The following CDC5L variants were observed in gnomAD, a reference collection of about 807,000 sequenced individuals.
CDC5L encodes cell division cycle 5 like, also known as cell division cycle 5-like protein.
In CDC5L, 18 loss-of-function variants were observed where a neutral mutation model predicts 104.1. The ratio of observed to expected loss-of-function variants is 0.17; its 90% CI spans 0.12 to 0.26. The LOEUF is 0.26. CDC5L is among the 10% of genes least tolerant of loss of function. CDC5L has a pLI of 1.00. For missense variants in CDC5L, 673 were observed against 956.9 expected (o/e 0.70, Z 3.91); for synonymous variants, 331 against 322.7 (o/e 1.03, Z -0.28).
At chr6:44,402,610 T>G (rs1791182947) in intron 5 of CDC5L, among the ~76,000 whole-genome samples, 1 of 152,204 alleles carries the variant, frequency 6.6e-6, no homozygotes, top group East Asian at 1.9e-4. Flanking sequence ...ATCATTACAG[T>G]TATAGCAACA....
chr6:44,428,840 T>C (rs1792542523), intron 13 of CDC5L, among the ~76,000 whole-genome samples: 1 of 152,100 alleles, frequency 6.6e-6, no homozygotes, highest in Non-Finnish European at 1.5e-5. Flanking sequence ...AAAAATGCCA[T>C]GTGACAAAAA....
At chr6:44,392,195 T>G (rs1458314521) in intron 2 of CDC5L, among the ~76,000 whole-genome samples, 3 of 152,170 alleles carry the variant, frequency 2.0e-5, no homozygotes, top group Non-Finnish European at 4.4e-5. Flanking sequence ...CATAGTAGTT[T>G]TACTTAAATT....
chr6:44,425,502 G>A (rs1792379190), intron 11 of CDC5L, among the ~76,000 whole-genome samples: 1 of 151,654 alleles, frequency 6.6e-6, no homozygotes, highest in South Asian at 2.1e-4. Context: ...GCAGTCCATT[G>A]CTGGATGATT....
chr6:44,445,437 ATAGAT>A (rs1240698597), intron 14 of CDC5L, among the ~76,000 whole-genome samples: 6 of 152,336 alleles, frequency 3.9e-5, no homozygotes, highest in African/African-American at 7.2e-5. Flanking sequence ...ATTATTATAA[ATAGAT>A]TATAGATTAT....
At chr6:44,392,381 G>A (rs770645863) in intron 2 of CDC5L, among the ~76,000 whole-genome samples, 15 of 152,218 alleles carry the variant, frequency 9.9e-5, no homozygotes, top group South Asian at 2.1e-4. Flanking sequence ...CTAGAAAAGC[G>A]TAAATAAATA....
chr6:44,392,859 A>G (rs767602103), intron 3 of CDC5L, 31 bp downstream of exon 3: 1 of 1,576,336 alleles, frequency 6.3e-7, no homozygotes, highest in South Asian at 1.1e-5. Flanking sequence ...AGCATAGAAT[A>G]TATGTATATG....
chr6:44,438,152 T>C (rs1341661348), intron 14 of CDC5L, among the ~76,000 whole-genome samples: 1 of 152,188 alleles, frequency 6.6e-6, no homozygotes, highest in Non-Finnish European at 1.5e-5. Context: ...TTCACTCTAT[T>C]GTCCAGGTTG....
intron 14 of CDC5L, among the ~76,000 whole-genome samples, chr6:44,433,500 A>G (rs1012911888): frequency 2.0e-5 from 3 of 152,214 alleles, no homozygotes; most frequent in African/African-American, 7.2e-5. Context: ...TAAATTTAAT[A>G]GTATTTGAAA....
Position 44,424,590 on chromosome 6 carries a change from A to G in CDC5L, c.1569+7A>G, listed in dbSNP as rs767542432. On this transcript the variant is annotated splice_region_variant and intron_variant, in intron 11 of 15. Transcript: ENST00000371477. ...TGTGGATGCTCGAAAGCAGGTGGGT[A>G]ACTGTACTGAAAGAAGCGTGAGTTT... 2 of 1,613,476 alleles carry G rather than the reference A, an allele frequency of 1.2e-6. No individual in the cohort carries two copies. Among genetic ancestry groups the G allele is most frequent in the South Asian group, 1.1e-5 (1 of 91,050 alleles).
At chr6:44,436,612 A>G (rs529164475) in intron 14 of CDC5L, among the ~76,000 whole-genome samples, 1 of 152,314 alleles carries the variant, frequency 6.6e-6, no homozygotes, top group African/African-American at 2.4e-5. Flanking sequence ...ATCTTATAAG[A>G]ATTTTCAAAT....
chr6:44,396,048 C>T (rs1790855008), intron 4 of CDC5L, among the ~76,000 whole-genome samples: 1 of 152,114 alleles, frequency 6.6e-6, no homozygotes, highest in Admixed American at 6.6e-5. Context: ...TTTACTTAGC[C>T]CTTCTCAAAA....
In CDC5L at chr6:44,426,052, G is replaced by C. The variant is rs372855710; in HGVS notation, c.1570-51G>C. ...CAAAGTGTTTTTAGCTTTACTGAGA[G>C]ATATCAAATACGCTATAGCTGCAAT... On this transcript the variant is annotated intron_variant, in intron 11 of 15. Coordinates refer to ENST00000371477, the MANE Select transcript of CDC5L (RefSeq NM_001253.4). The C allele has an allele frequency of 5.2e-4, 632 of 1,224,170 alleles. 1 individual carries two copies. Among genetic ancestry groups the C allele is most frequent in the Non-Finnish European group, 6.1e-4 (522 of 850,576 alleles). 75.8% of individuals were successfully genotyped at this position (1,224,170 alleles called of 1,614,324 possible). A position where few individuals can be genotyped will look rare whatever the true frequency, so the allele number is the denominator to read the frequency against.
intron 8 of CDC5L, among the ~76,000 whole-genome samples, chr6:44,417,164 G>A (rs929157806): frequency 2.0e-5 from 3 of 152,118 alleles, no homozygotes; most frequent in Non-Finnish European, 4.4e-5. Context: ...AGGACTCAGC[G>A]GTTCTGTGTG....
At chr6:44,407,389 CCATCTAGGCT>C (rs1398747219) in intron 7 of CDC5L, among the ~76,000 whole-genome samples, 1 of 150,654 alleles carries the variant, frequency 6.6e-6, no homozygotes, top group Non-Finnish European at 1.5e-5. Flanking sequence ...TACCGTGGTG[CCATCTAGGCT>C]CACTGCAACC....
chr6:44,389,120 G>T (rs978513296), intron 1 of CDC5L, among the ~76,000 whole-genome samples: 2 of 152,130 alleles, frequency 1.3e-5, no homozygotes, highest in Non-Finnish European at 2.9e-5. Context: ...TAGGTTGCTC[G>T]ACAGGTATTT....
At chr6:44,392,944 A>G in intron 3 of CDC5L, 116 bp downstream of exon 3, 1 of 761,642 alleles carries the variant, frequency 1.3e-6, no homozygotes, top group South Asian at 2.3e-5. Context: ...GTAAACCCAA[A>G]GCTAAAGCCA....
chr6:44,414,382 CTGTGTGTGTG>C lies in CDC5L; in HGVS notation c.1093-5027_1093-5018del, dbSNP rs58800666. The stretch of plus-strand genomic sequence containing the variant: ...CGTGAGCCACTGTGCCTGGCCTGGC[CTGTGTGTGTG>C]TGTGTGTGTGTGTGTGTGTGTGTGT... On this transcript the variant is annotated intron_variant, in intron 8 of 15. Coordinates refer to ENST00000371477, the MANE Select transcript of CDC5L (RefSeq NM_001253.4). Among the ~76,000 whole-genome samples, 1,044 of 129,990 alleles carry C rather than the reference CTGTGTGTGTG, an allele frequency of 8.0e-3. 9 individuals carry two copies. The highest frequency in any genetic ancestry group is 0.026 in the Middle Eastern group (7 of 270). The allele number at this position is 129,990 out of a possible 152,430, so 85.3% of individuals were successfully genotyped here.
intron 5 of CDC5L, among the ~76,000 whole-genome samples, chr6:44,402,766 CT>C (rs1791190363): frequency 1.3e-5 from 2 of 152,298 alleles, no homozygotes; most frequent in Non-Finnish European, 2.9e-5. Context: ...ATGTGTTGCC[CT>C]GTAACATGTA....
rs1166679102 is a variant in CDC5L at position 44,408,390 on chromosome 6, C to T, written c.904-54C>T. Reference sequence around the variant, plus strand: ...GTGTTGGGATTACAAGTGTGAGCCACTGTGCCCGGCCTCAGTTAAAATGTT... The same window carrying T: ...GTGTTGGGATTACAAGTGTGAGCCATTGTGCCCGGCCTCAGTTAAAATGTT... On this transcript the variant is annotated intron_variant, in intron 7 of 15. Transcript: ENST00000371477. 8 of 1,413,142 alleles carry T rather than the reference C, an allele frequency of 5.7e-6. No homozygotes were observed. The East Asian group carries it at 1.2e-4, about 20-fold the overall frequency. 87.5% of individuals were successfully genotyped at this position (1,413,142 alleles called of 1,614,324 possible).
Sources: allele counts gnomAD v4.1 joint callset (sites outside exome capture counted in the v4.1 genomes callset), GRCh38; gene constraint gnomAD v4.1.1; transcripts MANE v1.5; gene names NCBI Gene and HGNC (gene_info 2026-07-23, HGNC 2026-07-21).